Variants in PLEKHM2 observed in about 807,000 individuals in gnomAD.
The protein encoded by PLEKHM2 is pleckstrin homology and RUN domain containing M2.
A neutral mutation model predicts 116.3 loss-of-function variants in PLEKHM2; 77 were observed. The ratio of observed to expected loss-of-function variants is 0.66; its 90% CI spans 0.55 to 0.80. The LOEUF (loss-of-function observed/expected upper bound fraction) is 0.80, where lower values mean the gene tolerates loss of function less well. PLEKHM2 is among the 30% of genes least tolerant of loss of function. The pLI is 0.00. For synonymous variants in PLEKHM2, 562 were observed against 571.0 expected (o/e 0.98, Z 0.22); for missense variants, 1,183 against 1,354.9 (o/e 0.87, Z 1.99).
chr1:15,691,884 G>A (rs1009407319), intron 1 of PLEKHM2, among the ~76,000 whole-genome samples: 2 of 152,074 alleles, frequency 1.3e-5, no homozygotes, highest in African/African-American at 4.8e-5. Flanking sequence ...TGAGGTGGGA[G>A]GATCACTTGA....
At chr1:15,702,875 C>A (rs762944759) in intron 1 of PLEKHM2, among the ~76,000 whole-genome samples, 2 of 151,822 alleles carry the variant, frequency 1.3e-5, no homozygotes, top group Non-Finnish European at 2.9e-5. Flanking sequence ...TATGCACCAC[C>A]ACGCCCAGCT....
intron 7 of PLEKHM2, among the ~76,000 whole-genome samples, chr1:15,724,762 C>A (rs1248063424): frequency 6.6e-6 from 1 of 152,210 alleles, no homozygotes; most frequent in African/African-American, 2.4e-5. Context: ...CTGCACCCCT[C>A]ACTTTCTCTG....
chr1:15,725,284 G>T, intron 7 of PLEKHM2, 33 bp from the exon 8 acceptor site: 1 of 1,503,072 alleles, frequency 6.7e-7, no homozygotes, highest in Non-Finnish European at 9.1e-7. Context: ...GGGGGTGCCT[G>T]ACAGGGTGTC....
Position 15,728,526 on chromosome 1 carries a change from C to T in PLEKHM2, c.1922-143C>T, listed in dbSNP as rs767093034. The T allele has an allele frequency of 2.4e-5, 23 of 958,732 alleles. No homozygotes were observed. Among genetic ancestry groups the T allele is most frequent in the Non-Finnish European group, 3.7e-5 (23 of 628,822 alleles). 59.4% of individuals were successfully genotyped at this position (958,732 alleles called of 1,614,324 possible). ...AGCCCTGAGACGTGAGCCTGGGGCTCCCTCTGTGAGCACTCCACGCCATTC... is the reference window on the plus strand; with the variant it reads ...AGCCCTGAGACGTGAGCCTGGGGCTTCCTCTGTGAGCACTCCACGCCATTC... On this transcript the variant is annotated intron_variant, in intron 11 of 19. Coordinates refer to ENST00000375799, the MANE Select transcript of PLEKHM2 (RefSeq NM_015164.4). The surrounding 1 kb of genome is among the most constrained non-coding windows in gnomAD (Gnocchi z 5.9).
chr1:15,711,134 G>C (rs1324421374), intron 1 of PLEKHM2, among the ~76,000 whole-genome samples: 1 of 152,138 alleles, frequency 6.6e-6, no homozygotes, highest in Non-Finnish European at 1.5e-5. Context: ...GGCCAAGGCA[G>C]GAGGATCCCT....
chr1:15,732,358 C>G lies in PLEKHM2; in HGVS notation c.2634C>G (p.Pro878=), dbSNP rs527460266. The stretch of plus-strand genomic sequence containing the variant: ...CCCTGCCCCGCTGCCAGGTCATCCC[C>G]CAGGGCGTAGCTCCCAGCCCCTGCA... ...LCQAVSKGVI[P]QGVAPSPCIP... The change falls in exon 18 of 20, where the codon CCC becomes CCG. Residue 878 remains proline (P), a synonymous_variant. Coordinates refer to ENST00000375799, the MANE Select transcript of PLEKHM2 (RefSeq NM_015164.4). The G allele has an allele frequency of 1.1e-5, 17 of 1,552,800 alleles. No homozygotes were observed. The East Asian group carries it at 4.1e-4, about 38-fold the overall frequency.
At chr1:15,725,575 G>C in intron 8 of PLEKHM2, 30 bp downstream of exon 8, 1 of 1,494,212 alleles carries the variant, frequency 6.7e-7, no homozygotes, top group Non-Finnish European at 9.1e-7. Context: ...GAAAGGAGCT[G>C]AGGTCCTGGG....
chr1:15,728,845 G>T lies in PLEKHM2; in HGVS notation c.1986+112G>T. 9.7e-7 allele frequency: 1 copy of T among 1,028,406 alleles called. No individual in the cohort carries two copies. Among genetic ancestry groups the T allele is most frequent in the South Asian group, 1.4e-5 (1 of 71,374 alleles). 63.7% of individuals were successfully genotyped at this position (1,028,406 alleles called of 1,614,324 possible). A position where few individuals can be genotyped will look rare whatever the true frequency, so the allele number is the denominator to read the frequency against. ...GCCCCTTACTCCCCTCCCGGGGTTG[G>T]GCACCAACTTAACTCTCAGAGAGGC... On this transcript the variant is annotated intron_variant, in intron 12 of 19. Coordinates refer to ENST00000375799, the MANE Select transcript of PLEKHM2 (RefSeq NM_015164.4). This position sits in a 1 kb window ranked among gnomAD's most constrained non-coding sequence, Gnocchi z 5.9.
At chr1:15,730,390 G>A (rs1331566060) in intron 14 of PLEKHM2, 142 bp from the exon 15 acceptor site, 3 of 617,596 alleles carry the variant, frequency 4.9e-6, no homozygotes, top group Non-Finnish European at 8.1e-6. Context: ...TGCAGTGAGT[G>A]GAGATCACAC....
chr1:15,726,944 G>C, intron 8 of PLEKHM2, 70 bp from the exon 9 acceptor site: 1 of 1,072,182 alleles, frequency 9.3e-7, no homozygotes, highest in South Asian at 1.9e-5. Flanking sequence ...TTGCCACCGT[G>C]ACCCAGCCTG....
chr1:15,721,383 G>T lies in PLEKHM2; in HGVS notation c.707G>T (p.Trp236Leu). The stretch of plus-strand genomic sequence containing the variant: ...GTGCCGTCTGTACCCAGCACAGACT[G>T]GGAAGGTGGGCCAGAGTCCGCTGTT... ...PAVPSVPSTD[W>L]EDGDLTDTVS... The change falls in exon 7 of 20, where the codon TGG becomes TTG. Residue 236 changes from tryptophan to leucine, a missense_variant. This residue lies in a region of PLEKHM2 where 372 missense variants were observed against 357.2 expected (regional missense o/e 1.04). Coordinates refer to ENST00000375799, the MANE Select transcript of PLEKHM2 (RefSeq NM_015164.4). The surrounding 1 kb of genome is among the most constrained non-coding windows in gnomAD (Gnocchi z 5.1). 6.4e-7 allele frequency: 1 copy of T among 1,564,452 alleles called. No individual in the cohort carries two copies. Among genetic ancestry groups the T allele is most frequent in the East Asian group, 2.3e-5 (1 of 42,804 alleles).
rs922179150 is a variant in PLEKHM2, at chr1:15,694,761, T to G, written c.60+10143T>G. ...CATGCTGTGTATTTTGTTTTGTTTTTTTTTTTTGTTTTTTGAGACAGAGTC... is the reference window on the plus strand; with the variant it reads ...CATGCTGTGTATTTTGTTTTGTTTTGTTTTTTTGTTTTTTGAGACAGAGTC... On this transcript the variant is annotated intron_variant, in intron 1 of 19. Transcript: ENST00000375799. Among the ~76,000 whole-genome samples the G allele has an allele frequency of 1.4e-4, 22 of 151,852 alleles. 1 individual carries two copies. In the East Asian group the frequency reaches 2.5e-3, roughly 17 times the overall value.
At chr1:15,717,775 G>A in intron 3 of PLEKHM2, 118 bp from the exon 4 acceptor site, 1 of 659,868 alleles carries the variant, frequency 1.5e-6, no homozygotes, top group Non-Finnish European at 2.7e-6. Context: ...AAGCACAAAG[G>A]CCACTGAAGT....
intron 7 of PLEKHM2, among the ~76,000 whole-genome samples, chr1:15,724,347 G>A (rs2068033069): frequency 6.6e-6 from 1 of 152,216 alleles, no homozygotes; most frequent in Non-Finnish European, 1.5e-5. Context: ...GCTGGGCATG[G>A]TGGCGCATGC....
chr1:15,727,616 G>A lies in PLEKHM2; in HGVS notation c.1544G>A (p.Arg515Gln), dbSNP rs1331611746. The change falls in exon 9 of 20, where the codon CGG becomes CAG. Residue 515 changes from arginine (R) to glutamine (Q), a missense_variant. Coordinates refer to ENST00000375799, the MANE Select transcript of PLEKHM2 (RefSeq NM_015164.4). The surrounding 1 kb of genome is among the most constrained non-coding windows in gnomAD (Gnocchi z 7.5). ...GGAGGAGGAGAGGGACAGACGCCTC[G>A]GCCCCTAGAGGATACCACGAGGGAG... The part of the protein sequence containing the change: ...EGGGGEGQTP[R>Q]PLEDTTREAQ... 3 of 1,586,890 alleles carry A rather than the reference G, an allele frequency of 1.9e-6. No individual in the cohort carries two copies. Among genetic ancestry groups the A allele is most frequent in the African/African-American group, 1.3e-5 (1 of 74,200 alleles).
chr1:15,732,168 G>C, intron 17 of PLEKHM2, 120 bp downstream of exon 17: 1 of 1,050,244 alleles, frequency 9.5e-7, no homozygotes, highest in Non-Finnish European at 1.4e-6. Context: ...CCTCCAGGGG[G>C]CAGCCCAGGA....
chr1:15,695,840 C>CA (rs1640985390), intron 1 of PLEKHM2, among the ~76,000 whole-genome samples: 1 of 151,912 alleles, frequency 6.6e-6, no homozygotes, highest in Non-Finnish European at 1.5e-5. Flanking sequence ...CTTGCTCTGT[C>CA]ACCCAGGGTG....
intron 18 of PLEKHM2, 27 bp from the exon 19 acceptor site, chr1:15,732,585 C>T (rs2068161743): frequency 6.3e-7 from 1 of 1,597,984 alleles, no homozygotes; most frequent in African/African-American, 1.3e-5. Context: ...GCTCTGGCTG[C>T]TCACCCGGGG....
At chr1:15,714,381 G>A (rs187001458) in intron 1 of PLEKHM2, among the ~76,000 whole-genome samples, 25 of 146,854 alleles carry the variant, frequency 1.7e-4, no homozygotes, top group African/African-American at 6.4e-4. Context: ...CTCTACCCCA[G>A]TGTGGTCGTA....
Sources: gnomAD v4.1 joint callset for allele counts (sites outside exome capture counted in the v4.1 genomes callset) on GRCh38, gnomAD v4.1.1 for gene constraint, gnomAD v4.1.1 regional missense constraint, Gnocchi (gnomAD v3.1) non-coding constraint, MANE v1.5 for transcripts, NCBI Gene and HGNC (gene_info 2026-07-23, HGNC 2026-07-21) for gene names.